The following TMEM132C variants were observed in gnomAD, a reference collection of about 807,000 sequenced individuals.
TMEM132C encodes the protein transmembrane protein 132C.
In TMEM132C, 29 loss-of-function variants were observed where a neutral mutation model predicts 61.4. The observed-to-expected ratio is 0.47, with a 90% confidence interval of 0.35 to 0.64. The LOEUF (loss-of-function observed/expected upper bound fraction) is 0.64. Among genes scored for constraint, TMEM132C ranks in the 30% least tolerant of loss-of-function variants. The pLI is 0.00. For missense variants in TMEM132C, 1,408 were observed against 1,476.9 expected, an observed-to-expected ratio of 0.95 and a Z score of 0.76; for synonymous variants, 656 against 633.1, an observed-to-expected ratio of 1.04 and a Z score of -0.54.
intron 3 of TMEM132C, among the ~76,000 whole-genome samples, chr12:128,577,523 G>C (rs1875157858): frequency 6.6e-6 from 1 of 152,220 alleles, no homozygotes; most frequent in Non-Finnish European, 1.5e-5. Context: ...GCTTCTGTGA[G>C]ATCTCTGACT....
At chr12:128,399,887 TTTATTA>T in intron 1 of TMEM132C, 1 of 152,266 alleles carries the variant, frequency 6.6e-6, no homozygotes, top group East Asian at 1.9e-4. Flanking sequence ...AAAGTAAAGT[TTTATTA>T]GAACACAGAA....
At chr12:128,325,231 AAGAAACTAATAGCAGATC>A (rs371198558) in intron 1 of TMEM132C, among the ~76,000 whole-genome samples, 253 of 152,352 alleles carry the variant, frequency 1.7e-3, no homozygotes, top group African/African-American at 5.3e-3. Context: ...AACAGAAAGA[AAGAAACTAATAGCAGATC>A]CCTAAATTCA....
intron 1 of TMEM132C, among the ~76,000 whole-genome samples, chr12:128,284,550 C>A (rs546316062): frequency 6.6e-6 from 1 of 152,300 alleles, no homozygotes; most frequent in African/African-American, 2.4e-5. Flanking sequence ...TCAATCTAAG[C>A]CAGCTTTCCT....
At chr12:128,517,882 G>T (rs1360016883) in intron 2 of TMEM132C, among the ~76,000 whole-genome samples, 1 of 152,134 alleles carries the variant, frequency 6.6e-6, no homozygotes, top group African/African-American at 2.4e-5. Context: ...TGTAATGCCG[G>T]GGAGGAAGGC....
intron 5 of TMEM132C, among the ~76,000 whole-genome samples, chr12:128,689,656 G>A (rs1017769213): frequency 6.6e-6 from 1 of 152,056 alleles, no homozygotes; most frequent in African/African-American, 2.4e-5. Flanking sequence ...AGAAGCAGGT[G>A]GATATCCAGA....
chr12:128,589,949 T>A, intron 3 of TMEM132C, among the ~76,000 whole-genome samples: 1 of 152,202 alleles, frequency 6.6e-6, no homozygotes, highest in East Asian at 1.9e-4. Flanking sequence ...GTTGTTACGT[T>A]TGAAGCAACA....
At chr12:128,615,531 T>G (rs1876770166) in intron 3 of TMEM132C, among the ~76,000 whole-genome samples, 1 of 152,154 alleles carries the variant, frequency 6.6e-6, no homozygotes, top group Admixed American at 6.5e-5. Context: ...TAGATTTTCA[T>G]AAGGCGCACA....
intron 4 of TMEM132C, among the ~76,000 whole-genome samples, chr12:128,664,110 ACG>A (rs1566007509): frequency 6.8e-6 from 1 of 147,948 alleles, no homozygotes; most frequent in Non-Finnish European, 1.5e-5. Flanking sequence ...ACACAGGCAC[ACG>A]CACCCGCACG....
intron 1 of TMEM132C, among the ~76,000 whole-genome samples, chr12:128,319,854 A>G (rs985344719): frequency 2.0e-5 from 3 of 151,548 alleles, no homozygotes; most frequent in African/African-American, 7.3e-5. Context: ...ACCAAAGTGA[A>G]CAGTCTTCAC....
chr12:128,531,765 A>G (rs569381030), intron 2 of TMEM132C, among the ~76,000 whole-genome samples: 19 of 152,154 alleles, frequency 1.2e-4, no homozygotes, highest in Non-Finnish European at 2.8e-4. Context: ...CAGGTAGTTT[A>G]GGAAAAATCA....
chr12:128,468,927 G>C (rs1313149627), intron 2 of TMEM132C, among the ~76,000 whole-genome samples: 1 of 152,146 alleles, frequency 6.6e-6, no homozygotes, highest in Non-Finnish European at 1.5e-5. Context: ...CAAAAATCAT[G>C]AATCAGACTC....
chr12:128,650,184 G>A (rs1277879424), intron 4 of TMEM132C, among the ~76,000 whole-genome samples: 1 of 152,190 alleles, frequency 6.6e-6, no homozygotes, highest in African/African-American at 2.4e-5. Flanking sequence ...GAAGAGGAAT[G>A]AGGCTTGTTT....
intron 1 of TMEM132C, among the ~76,000 whole-genome samples, chr12:128,327,699 C>A (rs1221632174): frequency 6.6e-6 from 1 of 152,068 alleles, no homozygotes; most frequent in Non-Finnish European, 1.5e-5. Context: ...TGGTTTTATA[C>A]ATTTTAGAGA....
At chr12:128,686,889 A>T (rs1954681320) in intron 5 of TMEM132C, among the ~76,000 whole-genome samples, 1 of 152,068 alleles carries the variant, frequency 6.6e-6, no homozygotes, top group Admixed American at 6.5e-5. Flanking sequence ...GGTTCGGGGG[A>T]GTTGCCATTT....
At chr12:128,362,413 C>G (rs953724126) in intron 1 of TMEM132C, among the ~76,000 whole-genome samples, 1 of 152,090 alleles carries the variant, frequency 6.6e-6, no homozygotes, top group Non-Finnish European at 1.5e-5. Flanking sequence ...TCATCTCAAG[C>G]GAAGATTCAT....
intron 2 of TMEM132C, among the ~76,000 whole-genome samples, chr12:128,491,477 G>GC (rs757435883): frequency 1.3e-5 from 2 of 152,184 alleles, no homozygotes; most frequent in Non-Finnish European, 2.9e-5. Flanking sequence ...ATTAGTCCCT[G>GC]CACTATTCCT....
intron 6 of TMEM132C, 124 bp downstream of exon 6, chr12:128,694,158 C>T: frequency 1.7e-6 from 2 of 1,189,878 alleles, no homozygotes; most frequent in East Asian, 2.6e-5. Flanking sequence ...CTCCCCAGGG[C>T]TCCCAGATAA....
intron 5 of TMEM132C, among the ~76,000 whole-genome samples, chr12:128,675,271 T>C (rs150418896): frequency 8.3e-4 from 126 of 152,226 alleles, no homozygotes; most frequent in African/African-American, 3.0e-3. Flanking sequence ...CGAGACTTTA[T>C]TTTGCATACC....
intron 8 of TMEM132C, among the ~76,000 whole-genome samples, chr12:128,700,084 C>T (rs1199446847): frequency 6.6e-6 from 1 of 152,192 alleles, no homozygotes; most frequent in South Asian, 2.1e-4. Flanking sequence ...TTAGGGTGGA[C>T]GATTGGCATT....
Sources: allele counts gnomAD v4.1 joint callset (sites outside exome capture counted in the v4.1 genomes callset), GRCh38; gene constraint gnomAD v4.1.1; transcripts MANE v1.5; gene names NCBI Gene and HGNC (gene_info 2026-07-23, HGNC 2026-07-21).